The following CNIH3 variants were observed in gnomAD, a reference collection of about 807,000 sequenced individuals.
CNIH3 encodes the protein protein cornichon homolog 3.
In CNIH3, 14 loss-of-function variants were observed where a neutral mutation model predicts 24.1. The observed-to-expected ratio is 0.58, with a 90% CI of 0.38 to 0.91. CNIH3 has a LOEUF of 0.91. Among genes scored for constraint, CNIH3 ranks in the 40% least tolerant of loss-of-function variants. CNIH3 has a pLI of 0.00. For synonymous variants in CNIH3, 68 were observed against 73.8 expected (o/e 0.92, Z 0.40); for missense variants, 178 against 196.8 (o/e 0.90, Z 0.57).
At chr1:224,525,839 G>C (rs1385840914) in intron 2 of CNIH3, among the ~76,000 whole-genome samples, 1 of 152,154 alleles carries the variant, frequency 6.6e-6, no homozygotes, top group African/African-American at 2.4e-5. Context: ...TACAGAATAA[G>C]AGTTAGAAAC....
intron 1 of CNIH3, among the ~76,000 whole-genome samples, chr1:224,627,642 T>G (rs1330303094): frequency 3.3e-5 from 5 of 152,156 alleles, no homozygotes; most frequent in Admixed American, 2.6e-4. Context: ...GTGGGTCCTG[T>G]GTACACTAGC....
intron 3 of CNIH3, among the ~76,000 whole-genome samples, chr1:224,715,619 GA>G (rs570246238): frequency 5.3e-4 from 81 of 152,338 alleles, no homozygotes; most frequent in Middle Eastern, 3.4e-3. Flanking sequence ...GGCACCTGGT[GA>G]AAGCCTCAGG....
chr1:224,706,308 C>T (rs971557184), intron 3 of CNIH3, among the ~76,000 whole-genome samples: 6 of 152,168 alleles, frequency 3.9e-5, no homozygotes, highest in African/African-American at 1.4e-4. Context: ...TCTTGATTCC[C>T]ACTTTACTTA....
At chr1:224,510,612 A>AAC (rs1553260212) in intron 1 of CNIH3, among the ~76,000 whole-genome samples, 42 of 135,134 alleles carry the variant, frequency 3.1e-4, no homozygotes, top group African/African-American at 1.4e-3. Context: ...AAAAAAACAA[A>AAC]AAAAAAACAA....
Position 224,736,644 on chromosome 1 carries a change from T to C in CNIH3, c.455+1938T>C, listed in dbSNP as rs114861850. On this transcript the variant is annotated intron_variant, in intron 5 of 5. Transcript: ENST00000272133. ...CTGGAGCATTCTACTTGGTTCTGCC[T>C]TCCCTCCCCTTTACATCCCCAGTGT... Among the ~76,000 whole-genome samples the C allele has an allele frequency of 1.3e-3, 204 of 152,332 alleles. 1 individual carries two copies. Among genetic ancestry groups the C allele is most frequent in the Non-Finnish European group, 2.3e-3 (158 of 68,024 alleles).
intron 3 of CNIH3, among the ~76,000 whole-genome samples, chr1:224,552,160 A>G (rs1679949061): frequency 6.6e-6 from 1 of 151,424 alleles, no homozygotes; most frequent in Non-Finnish European, 1.5e-5. Flanking sequence ...CAGGGTGTAT[A>G]CCCCCTGTGA....
intron 2 of CNIH3, among the ~76,000 whole-genome samples, chr1:224,524,369 A>G (rs927253975): frequency 2.0e-5 from 3 of 152,230 alleles, no homozygotes; most frequent in African/African-American, 7.2e-5. Flanking sequence ...TCTCATTTCC[A>G]AATGGGAAAT....
intron 1 of CNIH3, among the ~76,000 whole-genome samples, chr1:224,503,328 G>T (rs1241777097): frequency 6.6e-6 from 1 of 152,076 alleles, no homozygotes; most frequent in Admixed American, 6.5e-5. Flanking sequence ...CGGTCTTTTG[G>T]CCCTAATTCC....
intron 1 of CNIH3, among the ~76,000 whole-genome samples, chr1:224,622,740 A>G (rs1356912609): frequency 6.6e-6 from 1 of 152,226 alleles, no homozygotes; most frequent in Non-Finnish European, 1.5e-5. Flanking sequence ...TTGCCAGGCA[A>G]TTGGAGCTCT....
At chr1:224,698,867 A>G (rs906213138) in intron 3 of CNIH3, among the ~76,000 whole-genome samples, 5 of 152,228 alleles carry the variant, frequency 3.3e-5, no homozygotes, top group African/African-American at 1.2e-4. Context: ...GAATGAATGA[A>G]TGAATGAGTG....
chr1:224,660,603 T>A (rs1176380809), intron 1 of CNIH3, among the ~76,000 whole-genome samples: 1 of 152,226 alleles, frequency 6.6e-6, no homozygotes, highest in Non-Finnish European at 1.5e-5. Flanking sequence ...TTTACTTTTT[T>A]AAAACCCAAG....
chr1:224,663,511 T>A (rs1685458045), intron 1 of CNIH3, among the ~76,000 whole-genome samples: 1 of 152,098 alleles, frequency 6.6e-6, no homozygotes, highest in South Asian at 2.1e-4. Flanking sequence ...TTCCCAAAAT[T>A]GAGAGGAGCA....
At chr1:224,637,623 T>G (rs1045182005) in intron 1 of CNIH3, among the ~76,000 whole-genome samples, 1 of 152,226 alleles carries the variant, frequency 6.6e-6, no homozygotes, top group African/African-American at 2.4e-5. Context: ...TTTGTCATAG[T>G]GTTGTCTGGC....
chr1:224,594,561 A>G (rs1343082730), intron 3 of CNIH3, among the ~76,000 whole-genome samples: 1 of 152,214 alleles, frequency 6.6e-6, no homozygotes, highest in Non-Finnish European at 1.5e-5. Flanking sequence ...GGAAAGCACC[A>G]GTGTAGGTCA....
downstream of CNIH3, among the ~76,000 whole-genome samples, chr1:224,591,589 C>T (rs950469461): frequency 6.6e-5 from 10 of 152,138 alleles, no homozygotes; most frequent in Admixed American, 4.6e-4. Context: ...GAGAATGGTT[C>T]CAACTGGAGG....
intron 3 of CNIH3, among the ~76,000 whole-genome samples, chr1:224,710,366 G>C (rs976032463): frequency 1.4e-4 from 21 of 152,134 alleles, no homozygotes; most frequent in Non-Finnish European, 2.5e-4. Context: ...TATTACAGAG[G>C]CTTCCTAGTT....
intron 1 of CNIH3, among the ~76,000 whole-genome samples, chr1:224,442,636 A>T (rs1270890829): frequency 6.6e-6 from 1 of 152,174 alleles, no homozygotes; most frequent in African/African-American, 2.4e-5. Flanking sequence ...CAAGGTTGTA[A>T]GTGCTTTACA....
In CNIH3 at chr1:224,673,186, A is replaced by G. The variant is rs1309140757; in HGVS notation, c.82-7772A>G. On this transcript the variant is annotated intron_variant, in intron 1 of 5. Transcript: ENST00000272133. ...TGTATCAGCAGTGGCCCCCTCGGTC[A>G]TGTCCATGCAACTCCTTTTGTTAGA... is the stretch of plus-strand genomic sequence containing the variant. Among the ~76,000 whole-genome samples the G allele has an allele frequency of 2.6e-5, 4 of 152,204 alleles. No homozygotes were observed. The East Asian group carries it at 7.7e-4, about 29-fold the overall frequency.
Position 224,684,511 on chromosome 1 carries a change from G to A in CNIH3, c.151-285G>A, listed in dbSNP as rs1370046317. ...GTACATGGAGGCTGAGAGAGACTTT[G>A]TAGATAAAGGAACAGAAATCCGTGC... On this transcript the variant is annotated intron_variant, in intron 2 of 5. Coordinates refer to ENST00000272133, the MANE Select transcript of CNIH3 (RefSeq NM_152495.2). The surrounding 1 kb of genome is among the most constrained non-coding windows in gnomAD (Gnocchi z 4.2). Among the ~76,000 whole-genome samples, 2 of 152,222 alleles carry A rather than the reference G, an allele frequency of 1.3e-5. No homozygotes were observed. Among genetic ancestry groups the A allele is most frequent in the East Asian group, 3.9e-4 (2 of 5,186 alleles).
Sources: allele counts gnomAD v4.1 joint callset (sites outside exome capture counted in the v4.1 genomes callset), GRCh38; gene constraint gnomAD v4.1.1; non-coding constraint Gnocchi (gnomAD v3.1); transcripts MANE v1.5; gene names NCBI Gene and HGNC (gene_info 2026-07-23, HGNC 2026-07-21).